The following MINDY3 variants were observed in gnomAD, a reference collection of about 807,000 sequenced individuals.
The protein encoded by MINDY3 is MINDY lysine 48 deubiquitinase 3, also known as ubiquitin carboxyl-terminal hydrolase MINDY-3.
A neutral mutation model predicts 69.2 loss-of-function variants in MINDY3; 38 were observed. The observed-to-expected ratio is 0.55, with a 90% confidence interval of 0.42 to 0.72. The LOEUF (loss-of-function observed/expected upper bound fraction) is 0.72, where lower values mean the gene tolerates loss of function less well. Among genes scored for constraint, MINDY3 ranks in the 30% least tolerant of loss-of-function variants. The probability of loss-of-function intolerance (pLI) is 0.00; values close to 1 mark genes in which losing one functional copy is unlikely to be tolerated. For synonymous variants in MINDY3, 192 were observed against 180.1 expected (o/e 1.07, Z -0.53); for missense variants, 522 against 519.0 (o/e 1.01, Z -0.06).
intron 1 of MINDY3, chr10:15,857,970 A>G: frequency 1.0e-6 from 1 of 984,470 alleles, no homozygotes; most frequent in Non-Finnish European, 1.2e-6. Context: ...ATCACAGACT[A>G]TGAAATAAAG....
chr10:15,801,867 T>C (rs763491590), intron 10 of MINDY3, among the ~76,000 whole-genome samples: 1 of 151,836 alleles, frequency 6.6e-6, no homozygotes, highest in South Asian at 2.1e-4. Flanking sequence ...GATAAAGATC[T>C]TGGAGAAATT....
rs1838560041 is a variant in MINDY3 at position 15,805,335 on chromosome 10, T to C, written c.883-9163A>G. ...GCCAACTCACTGTACACAGGCCTTA[T>C]AATTCAGTAGGTGTTTAGAAGGATA... On this transcript the variant is annotated intron_variant, in intron 10 of 14. Transcript: ENST00000277632. Among the ~76,000 whole-genome samples the C allele has an allele frequency of 2.6e-5, 4 of 152,188 alleles. No individual in the cohort carries two copies. In the South Asian group the frequency reaches 6.2e-4, roughly 24 times the overall value.
intron 4 of MINDY3, among the ~76,000 whole-genome samples, chr10:15,838,818 T>C (rs182747597): frequency 4.3e-4 from 65 of 151,906 alleles, no homozygotes; most frequent in Admixed American, 4.0e-3. Flanking sequence ...CTTATTTAGA[T>C]TATGTTTATT....
intron 10 of MINDY3, among the ~76,000 whole-genome samples, chr10:15,806,611 C>T (rs1222771342): frequency 3.9e-5 from 6 of 152,118 alleles, no homozygotes; most frequent in Admixed American, 2.6e-4. Context: ...ATTCATGCCA[C>T]GGATATTCCT....
rs571547975 is a variant in MINDY3, at chr10:15,788,315, T to A, written c.1028+932A>T. Among the ~76,000 whole-genome samples the A allele has an allele frequency of 4.7e-4, 72 of 152,254 alleles. 1 individual carries two copies. The highest frequency in any genetic ancestry group is 1.7e-3 in the African/African-American group (70 of 41,560). On this transcript the variant is annotated intron_variant, in intron 12 of 14. Coordinates refer to ENST00000277632, the MANE Select transcript of MINDY3 (RefSeq NM_024948.4). ...TATTAATATTTCTAACTATTGAGAA[T>A]GGATGAAATCACAGCTCTGAGTAGT...
Position 15,796,187 on chromosome 10 carries a change from A to G in MINDY3, c.883-15T>C, listed in dbSNP as rs1236906411. ...AAAGCCATATCCTGAAAAGATAAGAAGCATGTTGTCAACCAGCTACAGTAT... is the reference window on the plus strand; with the variant it reads ...AAAGCCATATCCTGAAAAGATAAGAGGCATGTTGTCAACCAGCTACAGTAT... On this transcript the variant is annotated splice_polypyrimidine_tract_variant and intron_variant, in intron 10 of 14. Coordinates refer to ENST00000277632, the MANE Select transcript of MINDY3 (RefSeq NM_024948.4). 6.2e-7 allele frequency: 1 copy of G among 1,607,104 alleles called. No homozygotes were observed. The highest frequency in any genetic ancestry group is 8.5e-7 in the Non-Finnish European group (1 of 1,174,082).
At chr10:15,851,369 A>G (rs1834285063) in intron 1 of MINDY3, among the ~76,000 whole-genome samples, 1 of 152,126 alleles carries the variant, frequency 6.6e-6, no homozygotes, top group African/African-American at 2.4e-5. Context: ...GTCCTGTATT[A>G]TCTGGCTCCT....
At chr10:15,828,032 C>T (rs1050020726) in intron 8 of MINDY3, among the ~76,000 whole-genome samples, 3 of 152,142 alleles carry the variant, frequency 2.0e-5, no homozygotes, top group African/African-American at 7.2e-5. Context: ...AACAGATGTT[C>T]CTCAAGAAGT....
chr10:15,842,316 T>G (rs1228124534), intron 3 of MINDY3, among the ~76,000 whole-genome samples: 2 of 151,958 alleles, frequency 1.3e-5, no homozygotes, highest in Non-Finnish European at 2.9e-5. Flanking sequence ...GCAGGAACTA[T>G]GCTGTTCACT....
intron 8 of MINDY3, among the ~76,000 whole-genome samples, chr10:15,829,383 C>T (rs752716085): frequency 1.3e-5 from 2 of 152,152 alleles, no homozygotes; most frequent in Non-Finnish European, 2.9e-5. Flanking sequence ...CAGATTCCAG[C>T]TGACAACAAT....
intron 7 of MINDY3, 43 bp downstream of exon 7, chr10:15,834,500 A>C (rs776029935): frequency 7.2e-7 from 1 of 1,381,436 alleles, no homozygotes; most frequent in African/African-American, 1.4e-5. Flanking sequence ...AGTTTCTAAA[A>C]ACTGGAGTTC....
chr10:15,853,945 TA>T (rs557624770), intron 1 of MINDY3, among the ~76,000 whole-genome samples: 116 of 152,216 alleles, frequency 7.6e-4, no homozygotes, highest in African/African-American at 2.6e-3. Context: ...TCTCAATGCT[TA>T]CAGATTGTTC....
chr10:15,799,133 C>T (rs78023003), intron 10 of MINDY3, among the ~76,000 whole-genome samples: 2,144 of 152,072 alleles, frequency 0.014, 24 homozygotes, highest in Non-Finnish European at 0.019. Context: ...CTTTATTTGG[C>T]CTGAGGGCCA....
intron 10 of MINDY3, among the ~76,000 whole-genome samples, chr10:15,813,353 T>C (rs915473282): frequency 1.3e-5 from 2 of 152,152 alleles, no homozygotes; most frequent in African/African-American, 4.8e-5. Flanking sequence ...ATTTGTCATG[T>C]AGAGAATGCT....
At chr10:15,795,345 A>G (rs532930615) in intron 11 of MINDY3, among the ~76,000 whole-genome samples, 1 of 152,180 alleles carries the variant, frequency 6.6e-6, no homozygotes, top group South Asian at 2.1e-4. Flanking sequence ...TCAGAGAGGA[A>G]AAGAGCAGAT....
In MINDY3 at chr10:15,778,519, A is replaced by G. The variant is rs1169661598; in HGVS notation, c.*473T>C. On this transcript the variant is annotated 3_prime_UTR_variant, in exon 15 of 15. Coordinates refer to ENST00000277632, the MANE Select transcript of MINDY3 (RefSeq NM_024948.4). ...CAGGTTGACAATGTGTTATTTGTCA[A>G]TATTTCTAATGAAAAACAGATCTTA... is the stretch of plus-strand genomic sequence containing the variant. 1.3e-5 allele frequency: 2 copies of G among 152,580 alleles called. No individual in the cohort carries two copies. Among genetic ancestry groups the G allele is most frequent in the Non-Finnish European group, 2.9e-5 (2 of 68,306 alleles). The allele number at this position is 152,580 out of a possible 1,614,324, so 9.5% of individuals were successfully genotyped here. A position where few individuals can be genotyped will look rare whatever the true frequency, so the allele number is the denominator to read the frequency against.
intron 6 of MINDY3, 39 bp downstream of exon 6, chr10:15,837,165 C>T (rs1410109273): frequency 1.2e-5 from 15 of 1,201,620 alleles, no homozygotes; most frequent in Non-Finnish European, 1.8e-5. Context: ...CACTGAACAA[C>T]ATTAATCAAA....
chr10:15,847,864 C>G lies in MINDY3; in HGVS notation c.174G>C (p.Gln58His), dbSNP rs771458392. 1 of 1,612,482 alleles carries G rather than the reference C, an allele frequency of 6.2e-7. No individual in the cohort carries two copies. Among genetic ancestry groups the G allele is most frequent in the Non-Finnish European group, 8.5e-7 (1 of 1,178,578 alleles). The change falls in exon 2 of 15, where the codon CAG becomes CAC. Residue 58 changes from glutamine to histidine, a missense_variant and splice_region_variant. Coordinates refer to ENST00000277632, the MANE Select transcript of MINDY3 (RefSeq NM_024948.4). ...GGPCAVIAPVQAFLLKKLLFS... is the reference protein window; with the variant it reads ...GGPCAVIAPVHAFLLKKLLFS... ...GAGTTGGTAAAGGAGTCTATGTTACCTGAACAGGTGCAATAACAGCACAGG... is the reference window on the plus strand; with the variant it reads ...GAGTTGGTAAAGGAGTCTATGTTACGTGAACAGGTGCAATAACAGCACAGG...
At chr10:15,822,044 C>A (rs1433297035) in intron 8 of MINDY3, among the ~76,000 whole-genome samples, 7 of 151,936 alleles carry the variant, frequency 4.6e-5, no homozygotes, top group African/African-American at 1.5e-4. Flanking sequence ...GACAAAAATA[C>A]AAGAAGAAAA....
Sources: allele counts gnomAD v4.1 joint callset (sites outside exome capture counted in the v4.1 genomes callset), GRCh38; gene constraint gnomAD v4.1.1; transcripts MANE v1.5; gene names NCBI Gene and HGNC (gene_info 2026-07-23, HGNC 2026-07-21).